The following ANKS6 variants were observed in gnomAD, a reference collection of about 807,000 sequenced individuals.
The protein encoded by ANKS6 is ankyrin repeat and SAM domain-containing protein 6.
Under a neutral mutation model 77.9 loss-of-function variants are expected in ANKS6, and 47 were observed. The observed-to-expected ratio is 0.60, with a 90% CI of 0.48 to 0.77. ANKS6 has a LOEUF of 0.77. Ranked by LOEUF, ANKS6 falls within the 30% of genes least tolerant of loss-of-function variation. ANKS6 has a pLI of 0.00. For missense variants in ANKS6, 1,150 were observed against 1,159.1 expected (o/e 0.99, Z 0.11); for synonymous variants, 488 against 501.7 (o/e 0.97, Z 0.37).
intron 1 of ANKS6, among the ~76,000 whole-genome samples, chr9:98,795,361 A>G (rs1177108327): frequency 1.3e-5 from 2 of 152,158 alleles, no homozygotes; most frequent in African/African-American, 2.4e-5. Context: ...CATTCTGCCT[A>G]GAACCTTCCA....
rs909092459 is a variant in ANKS6, at chr9:98,791,324, C to T, written c.360-718G>A. 2.0e-5 allele frequency among the ~76,000 whole-genome samples: 3 copies of T among 152,226 alleles called. No individual in the cohort carries two copies. Among genetic ancestry groups the T allele is most frequent in the Non-Finnish European group, 2.9e-5 (2 of 68,046 alleles). ...TCAGCAGATAGGCTGGGCATTGCGGCCTGGAGGCCTGCTGCCACCTGCTGG... is the reference window on the plus strand; with the variant it reads ...TCAGCAGATAGGCTGGGCATTGCGGTCTGGAGGCCTGCTGCCACCTGCTGG... On this transcript the variant is annotated intron_variant, in intron 1 of 14. Coordinates refer to ENST00000353234, the MANE Select transcript of ANKS6 (RefSeq NM_173551.5). The surrounding 1 kb of genome is among the most constrained non-coding windows in gnomAD (Gnocchi z 4.3).
At chr9:98,787,151 A>G (rs1399996201) in intron 2 of ANKS6, among the ~76,000 whole-genome samples, 7 of 152,178 alleles carry the variant, frequency 4.6e-5, no homozygotes. Flanking sequence ...CTGCACAGTA[A>G]GAGCTGGGGC....
rs1164750104 is a variant in ANKS6, at chr9:98,732,475, C to T, written c.*4044G>A. 18 of 1,549,682 alleles carry T rather than the reference C, an allele frequency of 1.2e-5. No homozygotes were observed. The highest frequency in any genetic ancestry group is 2.4e-5 in the East Asian group (1 of 40,920). On this transcript the variant is annotated 3_prime_UTR_variant, in exon 15 of 15. Transcript: ENST00000353234. ...GGCCACTCCTCACTTCTGTGGGCTC[C>T]GATGCCAGCAGAGCCACCTGAGCGG...
At chr9:98,744,970 CT>C (rs1179343991) in intron 14 of ANKS6, among the ~76,000 whole-genome samples, 3 of 152,142 alleles carry the variant, frequency 2.0e-5, no homozygotes, top group African/African-American at 4.8e-5. Context: ...GGGGATTTGT[CT>C]TTTTTATTTT....
Position 98,734,177 on chromosome 9 carries a change from A to C in ANKS6, c.*2342T>G. On this transcript the variant is annotated 3_prime_UTR_variant, in exon 15 of 15. Transcript: ENST00000353234. ...GGACCTCTTGTGAACCAGCACACAA[A>C]CTTCCTAGGATGAAAAGCCTTGGAC... 1.0e-6 allele frequency: 1 copy of C among 985,410 alleles called. No homozygotes were observed. Among genetic ancestry groups the C allele is most frequent in the East Asian group, 1.1e-4 (1 of 8,804 alleles). The allele number at this position is 985,410 out of a possible 1,614,324, so 61.0% of individuals were successfully genotyped here. A position where few individuals can be genotyped will look rare whatever the true frequency, so the allele number is the denominator to read the frequency against.
At position 98,778,158 on chromosome 9, in the gene ANKS6, G is replaced by A. The variant is rs1195874018; in HGVS notation, c.1567+68C>T. 5 of 1,546,938 alleles carry A rather than the reference G, an allele frequency of 3.2e-6. No homozygotes were observed. The Admixed American group carries it at 8.9e-5, about 27-fold the overall frequency. ...CCCCTGACAGCAACCCAGGAGGTAG[G>A]ATGAAGGGCAGAGGGTACAGGCTCA... On this transcript the variant is annotated intron_variant, in intron 7 of 14. Coordinates refer to ENST00000353234, the MANE Select transcript of ANKS6 (RefSeq NM_173551.5).
intron 5 of ANKS6, among the ~76,000 whole-genome samples, chr9:98,781,387 A>G (rs547096074): frequency 1.3e-5 from 2 of 152,212 alleles, no homozygotes; most frequent in East Asian, 3.8e-4. Context: ...TTTCTCAGAA[A>G]AAGTGTGTAT....
rs1834171007 is a variant in ANKS6 at position 98,780,315 on chromosome 9, C to T, written c.1242G>A (p.Leu414=). The T allele has an allele frequency of 6.2e-7, 1 of 1,602,826 alleles. No individual in the cohort carries two copies. The highest frequency in any genetic ancestry group is 1.7e-5 in the Admixed American group (1 of 58,190). The part of the protein sequence containing the change: ...NDPDTELVRL[L]ASVCMQVNKD... ...TATTCACCTGCATGCAGACAGATGC[C>T]AGCAGTCGAACAAGTTCCGTGTCTA... The change falls in exon 6 of 15, where the codon CTG becomes CTA. Residue 414 remains leucine (L), a synonymous_variant. Coordinates refer to ENST00000353234, the MANE Select transcript of ANKS6 (RefSeq NM_173551.5).
chr9:98,740,719 T>C (rs1024966022), intron 14 of ANKS6, among the ~76,000 whole-genome samples: 2 of 152,126 alleles, frequency 1.3e-5, no homozygotes, highest in Non-Finnish European at 2.9e-5. Flanking sequence ...CCACAACTGA[T>C]TGAAGATGAT....
intron 13 of ANKS6, among the ~76,000 whole-genome samples, chr9:98,750,168 C>G (rs1450468418): frequency 6.6e-5 from 10 of 152,214 alleles, no homozygotes; most frequent in Admixed American, 6.5e-4. Flanking sequence ...CCTACTCTGC[C>G]CATTCTACCC....
At chr9:98,784,940 G>A in intron 2 of ANKS6, 64 bp from the exon 3 acceptor site, 1 of 1,456,924 alleles carries the variant, frequency 6.9e-7, no homozygotes, top group South Asian at 1.2e-5. Flanking sequence ...AAAGTCACAA[G>A]GGTGTAACAA....
intron 13 of ANKS6, among the ~76,000 whole-genome samples, chr9:98,746,271 C>T (rs1022627914): frequency 6.6e-5 from 10 of 152,206 alleles, no homozygotes; most frequent in African/African-American, 2.4e-4. Context: ...AGGCCCTCTG[C>T]TCCACTGGCT....
At chr9:98,789,931 G>T in intron 2 of ANKS6, 173 bp downstream of exon 2, 3 of 981,448 alleles carry the variant, frequency 3.1e-6, no homozygotes, top group Non-Finnish European at 4.3e-6. Flanking sequence ...CCCAGAACCT[G>T]CATGTCACAG....
At chr9:98,754,059 T>C (rs1237039613) in intron 12 of ANKS6, among the ~76,000 whole-genome samples, 1 of 152,146 alleles carries the variant, frequency 6.6e-6, no homozygotes, top group Non-Finnish European at 1.5e-5. Flanking sequence ...ACATGGTGCT[T>C]TGCTGATAAC....
chr9:98,776,149 A>C (rs1185902411), intron 8 of ANKS6, among the ~76,000 whole-genome samples: 2 of 152,228 alleles, frequency 1.3e-5, no homozygotes, highest in African/African-American at 4.8e-5. Context: ...AACACATCCA[A>C]GTTCACACCA....
chr9:98,777,573 A>G, intron 7 of ANKS6, 119 bp from the exon 8 acceptor site: 2 of 828,968 alleles, frequency 2.4e-6, no homozygotes, highest in South Asian at 1.6e-5. Context: ...TAAATATTTA[A>G]TAATAATTGG....
At chr9:98,758,108 A>G (rs936832679) in intron 11 of ANKS6, among the ~76,000 whole-genome samples, 2 of 151,940 alleles carry the variant, frequency 1.3e-5, no homozygotes, top group Non-Finnish European at 2.9e-5. Context: ...TTCCTTCCAC[A>G]TTTATTATCT....
At chr9:98,746,264 C>A (rs764051255) in intron 13 of ANKS6, among the ~76,000 whole-genome samples, 13 of 152,292 alleles carry the variant, frequency 8.5e-5, no homozygotes, top group East Asian at 5.8e-4. Context: ...GGAAATCAGG[C>A]CCTCTGCTCC....
Position 98,735,110 on chromosome 9 carries a change from A to G in ANKS6, c.*1409T>C. On this transcript the variant is annotated 3_prime_UTR_variant, in exon 15 of 15. Transcript: ENST00000353234. ...AGCATGGCTCAAGGTAGAGATCAGAATTCTGTGCAGCCTACCATCGACTGG... is the reference window on the plus strand; with the variant it reads ...AGCATGGCTCAAGGTAGAGATCAGAGTTCTGTGCAGCCTACCATCGACTGG... The G allele has an allele frequency of 6.1e-6, 6 of 985,398 alleles. No homozygotes were observed. Among genetic ancestry groups the G allele is most frequent in the Non-Finnish European group, 7.2e-6 (6 of 829,936 alleles). The allele number at this position is 985,398 out of a possible 1,614,324, so 61.0% of individuals were successfully genotyped here. A position where few individuals can be genotyped will look rare whatever the true frequency, so the allele number is the denominator to read the frequency against.
Sources: allele counts gnomAD v4.1 joint callset (sites outside exome capture counted in the v4.1 genomes callset), GRCh38; gene constraint gnomAD v4.1.1; non-coding constraint Gnocchi (gnomAD v3.1); transcripts MANE v1.5; gene names NCBI Gene and HGNC (gene_info 2026-07-23, HGNC 2026-07-21).